SP4: variants seen among roughly 807,000 people sequenced by gnomAD.
The protein encoded by SP4 is Sp4 transcription factor, also known as transcription factor Sp4.
SP4 carries 19 observed loss-of-function variants against 72.8 expected under a neutral mutation model. The ratio of observed to expected loss-of-function variants is 0.26; its 90% CI spans 0.18 to 0.38. SP4 has a LOEUF of 0.38. SP4 is among the 10% of genes least tolerant of loss of function. The pLI is 1.00. For missense variants in SP4, 1,008 were observed against 926.3 expected (o/e 1.09, Z -1.14); for synonymous variants, 395 against 333.1 (o/e 1.19, Z -2.02).
chr7:21,437,315 G>A (rs1320891754), intron 3 of SP4, among the ~76,000 whole-genome samples: 2 of 152,060 alleles, frequency 1.3e-5, no homozygotes, highest in African/African-American at 4.8e-5. Flanking sequence ...TCTTTCTTTA[G>A]GATTTCCAGA....
chr7:21,511,420 G>C lies in SP4; in HGVS notation c.*151G>C. 1.4e-6 allele frequency: 1 copy of C among 725,392 alleles called. No homozygotes were observed. 44.9% of individuals were successfully genotyped at this position (725,392 alleles called of 1,614,324 possible). On this transcript the variant is annotated 3_prime_UTR_variant, in exon 6 of 6. Transcript: ENST00000222584. ...ATTCCAGGGTTTGGGGTCAACACGT[G>C]AAGTGTTGAATTTTAAAAAATACAA...
intron 5 of SP4, among the ~76,000 whole-genome samples, chr7:21,487,066 T>A (rs1461916145): frequency 3.3e-5 from 5 of 152,224 alleles, no homozygotes; most frequent in African/African-American, 1.2e-4. Context: ...TATGCAATCA[T>A]TTATTTACAT....
chr7:21,430,975 ATAT>A lies in SP4; in HGVS notation c.1678+136_1678+138del, dbSNP rs1372456504. ...CAATCATAAGGAACCAGAAATAGCA[ATAT>A]TATACTAACAAACATAGCTCTGTAG... On this transcript the variant is annotated intron_variant, in intron 3 of 5. Coordinates refer to ENST00000222584, the MANE Select transcript of SP4 (RefSeq NM_003112.5). The A allele has an allele frequency of 2.5e-5, 16 of 637,164 alleles. No homozygotes were observed. In the Admixed American group the frequency reaches 4.4e-4, roughly 18 times the overall value. The allele number at this position is 637,164 out of a possible 1,614,324, so 39.5% of individuals were successfully genotyped here. A position where few individuals can be genotyped will look rare whatever the true frequency, so the allele number is the denominator to read the frequency against.
intron 5 of SP4, among the ~76,000 whole-genome samples, chr7:21,506,215 T>A (rs1299053452): frequency 6.6e-6 from 1 of 152,170 alleles, no homozygotes; most frequent in East Asian, 1.9e-4. Flanking sequence ...CTTAGAGAGT[T>A]CTGTAGCCCT....
intron 3 of SP4, among the ~76,000 whole-genome samples, chr7:21,465,603 G>A (rs1784142513): frequency 6.6e-6 from 1 of 152,186 alleles, no homozygotes; most frequent in Non-Finnish European, 1.5e-5. Flanking sequence ...TTGGGGATGG[G>A]AAGGATGGGC....
In SP4 at chr7:21,474,465, GT is replaced by G. The variant is rs1299500432; in HGVS notation, c.1679-2613del. 2.6e-5 allele frequency among the ~76,000 whole-genome samples: 4 copies of G among 152,330 alleles called. No individual in the cohort carries two copies. In the East Asian group the frequency reaches 7.7e-4, roughly 29 times the overall value. ...ATGCATTTTTTGCAGTAAACAAAGT[GT>G]GTGTATCACTGTGCTTCTTGGTACA... On this transcript the variant is annotated intron_variant, in intron 3 of 5. Transcript: ENST00000222584.
At chr7:21,461,447 A>AC (rs1486833655) in intron 3 of SP4, among the ~76,000 whole-genome samples, 3 of 151,952 alleles carry the variant, frequency 2.0e-5, no homozygotes, top group African/African-American at 7.3e-5. Context: ...CTGCTGGGGG[A>AC]CCCGGCGCAT....
chr7:21,501,427 T>C (rs149671228), intron 5 of SP4, among the ~76,000 whole-genome samples: 2 of 152,366 alleles, frequency 1.3e-5, no homozygotes, highest in East Asian at 3.9e-4. Context: ...AGTCTTTTAC[T>C]TTCTCCATAG....
chr7:21,509,664 C>G (rs1014459404), intron 5 of SP4, among the ~76,000 whole-genome samples: 8 of 151,674 alleles, frequency 5.3e-5, no homozygotes, highest in African/African-American at 1.9e-4. Context: ...TCAAAGTTTA[C>G]TCAAAAGTAA....
intron 5 of SP4, among the ~76,000 whole-genome samples, chr7:21,506,876 C>T (rs1404066196): frequency 1.3e-5 from 2 of 152,174 alleles, no homozygotes; most frequent in Non-Finnish European, 1.5e-5. Flanking sequence ...CTATGTCCTA[C>T]GAGTGGACTC....
intron 3 of SP4, among the ~76,000 whole-genome samples, chr7:21,468,905 G>A (rs935844983): frequency 2.0e-5 from 3 of 152,058 alleles, no homozygotes; most frequent in Non-Finnish European, 2.9e-5. Context: ...AGATGAAACA[G>A]CATTCTCCCA....
Position 21,461,647 on chromosome 7 carries a change from C to T in SP4, c.1679-15432C>T, listed in dbSNP as rs549136973. Among the ~76,000 whole-genome samples the T allele has an allele frequency of 1.1e-4, 16 of 152,294 alleles. No individual in the cohort carries two copies. In the South Asian group the frequency reaches 1.7e-3, roughly 16 times the overall value. ...TCTCCCTCCACACCTCCCCGCAAGC[C>T]GAGGGAGCCAGCTGCAGCCTCGGCC... On this transcript the variant is annotated intron_variant, in intron 3 of 5. Transcript: ENST00000222584.
chr7:21,461,548 C>T lies in SP4; in HGVS notation c.1679-15531C>T, dbSNP rs972347212. ...GGCCAGCCGCTCCAAGTGCAGGGCCCGCCAAGCCCACACCCACCCGGAACT... is the reference window on the plus strand; with the variant it reads ...GGCCAGCCGCTCCAAGTGCAGGGCCTGCCAAGCCCACACCCACCCGGAACT... On this transcript the variant is annotated intron_variant, in intron 3 of 5. Coordinates refer to ENST00000222584, the MANE Select transcript of SP4 (RefSeq NM_003112.5). Among the ~76,000 whole-genome samples, 11 of 152,284 alleles carry T rather than the reference C, an allele frequency of 7.2e-5. No individual in the cohort carries two copies. The South Asian group carries it at 8.3e-4, about 11-fold the overall frequency.
rs116876197 is a variant in SP4, at chr7:21,509,203, T to A, written c.2108-1819T>A. 1.6e-4 allele frequency among the ~76,000 whole-genome samples: 25 copies of A among 152,264 alleles called. No homozygotes were observed. The East Asian group carries it at 4.4e-3, about 27-fold the overall frequency. ...AATAGTTCAGAAGTTTCTCCATTAA[T>A]TATATGTAGGGGTATAGCAGGTAAA... On this transcript the variant is annotated intron_variant, in intron 5 of 5. Coordinates refer to ENST00000222584, the MANE Select transcript of SP4 (RefSeq NM_003112.5).
chr7:21,460,632 A>G (rs994419219), intron 3 of SP4, among the ~76,000 whole-genome samples: 2 of 152,196 alleles, frequency 1.3e-5, no homozygotes, highest in South Asian at 4.2e-4. Context: ...TGATTGGCCC[A>G]TTTTACAGAG....
chr7:21,438,908 A>G (rs921618207), intron 3 of SP4, among the ~76,000 whole-genome samples: 14 of 152,234 alleles, frequency 9.2e-5, no homozygotes, highest in African/African-American at 3.4e-4. Context: ...TGAAAGTGCA[A>G]AAGTAGTAAT....
chr7:21,451,586 G>A (rs1045910582), intron 3 of SP4, among the ~76,000 whole-genome samples: 1 of 152,150 alleles, frequency 6.6e-6, no homozygotes, highest in Non-Finnish European at 1.5e-5. Flanking sequence ...GGCTCTGTGG[G>A]TTGATGAAAG....
intron 5 of SP4, among the ~76,000 whole-genome samples, chr7:21,501,252 G>C (rs544018228): frequency 6.6e-6 from 1 of 152,046 alleles, no homozygotes; most frequent in Non-Finnish European, 1.5e-5. Context: ...TGCGTGAGCC[G>C]TGCAGTTTGT....
chr7:21,430,168 A>G lies in SP4; in HGVS notation c.1003A>G (p.Ser335Gly). 6.2e-7 allele frequency: 1 copy of G among 1,614,226 alleles called. No homozygotes were observed. The highest frequency in any genetic ancestry group is 8.5e-7 in the Non-Finnish European group (1 of 1,180,036). ...CACTGCTTCAACGTCTTTGACAAGCAGTGACACATTAGTGAGCTCAGCAGA... is the reference window on the plus strand; with the variant it reads ...CACTGCTTCAACGTCTTTGACAAGCGGTGACACATTAGTGAGCTCAGCAGA... ...TTTASTSLTS[S>G]DTLVSSADTG... Residue 335 changes from serine to glycine, a missense_variant, in exon 3 of 6, where the codon AGT becomes GGT. By Grantham distance (56) the Ser-to-Gly change is moderately conservative. Transcript: ENST00000222584.
Sources: allele counts gnomAD v4.1 joint callset (sites outside exome capture counted in the v4.1 genomes callset), GRCh38; gene constraint gnomAD v4.1.1; transcripts MANE v1.5; gene names NCBI Gene and HGNC (gene_info 2026-07-23, HGNC 2026-07-21).